MAP7: variants seen among roughly 807,000 people sequenced by gnomAD.
MAP7 encodes ensconsin.
A neutral mutation model predicts 94.8 loss-of-function variants in MAP7; 52 were observed. The observed-to-expected ratio is 0.55, with a 90% confidence interval of 0.44 to 0.69. The LOEUF (loss-of-function observed/expected upper bound fraction) is 0.69, where lower values mean the gene tolerates loss of function less well. MAP7 is among the 30% of genes least tolerant of loss of function. The probability of loss-of-function intolerance (pLI) is 0.00; values close to 1 mark genes in which losing one functional copy is unlikely to be tolerated. For missense variants in MAP7, 940 were observed against 964.6 expected (o/e 0.97, Z 0.34); for synonymous variants, 350 against 357.0 (o/e 0.98, Z 0.22).
chr6:136,453,894 C>T (rs756915986), intron 1 of MAP7, among the ~76,000 whole-genome samples: 7 of 152,186 alleles, frequency 4.6e-5, no homozygotes, highest in Non-Finnish European at 1.5e-5. Context: ...CTTACATCAA[C>T]AAATACAGAC....
chr6:136,420,582 T>C (rs2128767816), intron 2 of MAP7, among the ~76,000 whole-genome samples: 1 of 152,302 alleles, frequency 6.6e-6, no homozygotes, highest in East Asian at 1.9e-4. Flanking sequence ...AAGAACTCAG[T>C]AAACATTAGA....
Position 136,359,679 on chromosome 6 carries a change from C to T in MAP7, c.1912+141G>A, listed in dbSNP as rs754715740. 8.0e-6 allele frequency: 6 copies of T among 749,424 alleles called. No individual in the cohort carries two copies. The South Asian group carries it at 9.3e-5, about 12-fold the overall frequency. 46.4% of individuals were successfully genotyped at this position (749,424 alleles called of 1,614,324 possible). On this transcript the variant is annotated intron_variant, in intron 15 of 17. Coordinates refer to ENST00000354570, the MANE Select transcript of MAP7 (RefSeq NM_003980.6). ...TTTTACATAAGAGGAAGGAAGGACT[C>T]GATGACAGACCCCTAAGCTTCTGTG...
chr6:136,441,176 A>C (rs1472843090), intron 1 of MAP7, among the ~76,000 whole-genome samples: 1 of 152,244 alleles, frequency 6.6e-6, no homozygotes, highest in East Asian at 1.9e-4. Context: ...TCTCTTCCGC[A>C]TGCTGATTTC....
chr6:136,474,056 G>A (rs898285712), intron 1 of MAP7, among the ~76,000 whole-genome samples: 27 of 152,232 alleles, frequency 1.8e-4, no homozygotes, highest in Non-Finnish European at 1.5e-4. Flanking sequence ...GGAGGACCCA[G>A]TAATTCCAAA....
chr6:136,467,588 A>C (rs1807549263), intron 1 of MAP7, among the ~76,000 whole-genome samples: 1 of 152,206 alleles, frequency 6.6e-6, no homozygotes, highest in Non-Finnish European at 1.5e-5. Context: ...AGAGTTTATC[A>C]TTTTTTAGTC....
chr6:136,533,428 G>A (rs1435596513), intron 1 of MAP7, among the ~76,000 whole-genome samples: 1 of 152,210 alleles, frequency 6.6e-6, no homozygotes, highest in East Asian at 1.9e-4. Context: ...TTCAGTGTAT[G>A]ACTTTTTGGG....
chr6:136,524,516 T>C (rs1173793495), intron 1 of MAP7, among the ~76,000 whole-genome samples: 4 of 152,152 alleles, frequency 2.6e-5, no homozygotes, highest in African/African-American at 4.8e-5. Context: ...AAGAATCACA[T>C]TAAGTCACCC....
At chr6:136,414,938 C>T (rs754648645) in intron 2 of MAP7, among the ~76,000 whole-genome samples, 31 of 152,160 alleles carry the variant, frequency 2.0e-4, no homozygotes, top group Admixed American at 5.2e-4. Context: ...CCTCAGCCTC[C>T]CAAGTAGCTG....
At chr6:136,394,130 C>T (rs1251048904) in intron 3 of MAP7, among the ~76,000 whole-genome samples, 2 of 151,828 alleles carry the variant, frequency 1.3e-5, no homozygotes, top group Admixed American at 1.3e-4. Context: ...ACTACAGGCG[C>T]GTGCCACCAT....
chr6:136,420,127 T>G, intron 2 of MAP7: 1 of 869,612 alleles, frequency 1.1e-6, no homozygotes, highest in Non-Finnish European at 2.0e-6. Flanking sequence ...AGCACAATCT[T>G]TAATCAAAGA....
intron 7 of MAP7, among the ~76,000 whole-genome samples, chr6:136,374,582 A>G (rs935591057): frequency 6.6e-5 from 10 of 152,200 alleles, no homozygotes; most frequent in African/African-American, 2.2e-4. Flanking sequence ...TTTTTCTCTC[A>G]AGTGGAAAAT....
intron 1 of MAP7, among the ~76,000 whole-genome samples, chr6:136,542,157 G>A (rs914242031): frequency 4.6e-5 from 7 of 152,120 alleles, no homozygotes; most frequent in Non-Finnish European, 8.8e-5. Flanking sequence ...AGATACTAAA[G>A]AGAATAATAA....
At chr6:136,419,884 T>C (rs1392628912) in intron 2 of MAP7, 6 of 506,072 alleles carry the variant, frequency 1.2e-5, no homozygotes, top group African/African-American at 9.6e-5. Context: ...GTGTCAAGAC[T>C]GAGGATTATC....
chr6:136,389,213 G>C (rs1435861805), intron 4 of MAP7, 141 bp downstream of exon 4: 4 of 1,348,192 alleles, frequency 3.0e-6, no homozygotes, highest in Non-Finnish European at 3.9e-6. Context: ...GAACTCCCTA[G>C]AAACTGTAGC....
At chr6:136,390,286 A>C (rs1173597424) in intron 3 of MAP7, among the ~76,000 whole-genome samples, 2 of 152,236 alleles carry the variant, frequency 1.3e-5, no homozygotes, top group Non-Finnish European at 2.9e-5. Flanking sequence ...GCAAAAGGAA[A>C]AAATTCAAAC....
intron 16 of MAP7, among the ~76,000 whole-genome samples, chr6:136,350,652 A>C (rs1788910671): frequency 6.6e-6 from 1 of 152,196 alleles, no homozygotes; most frequent in Non-Finnish European, 1.5e-5. Flanking sequence ...CAAGAGTTTG[A>C]GACTAGCCTG....
chr6:136,416,274 T>C (rs1265943638), intron 2 of MAP7, among the ~76,000 whole-genome samples: 2 of 152,184 alleles, frequency 1.3e-5, no homozygotes, highest in Non-Finnish European at 2.9e-5. Context: ...TGGGGAAAAC[T>C]AAGAACAATC....
intron 1 of MAP7, among the ~76,000 whole-genome samples, chr6:136,425,063 G>A (rs1248765671): frequency 6.6e-6 from 1 of 152,172 alleles, no homozygotes; most frequent in Non-Finnish European, 1.5e-5. Context: ...TGGATCTACT[G>A]AGACAGCTCC....
intron 1 of MAP7, among the ~76,000 whole-genome samples, chr6:136,460,132 A>T (rs933497057): frequency 2.0e-5 from 3 of 152,050 alleles, no homozygotes; most frequent in Non-Finnish European, 2.9e-5. Flanking sequence ...TTAAAGTAAC[A>T]TGTGTAACTG....
Sources: gnomAD v4.1 joint callset for allele counts (sites outside exome capture counted in the v4.1 genomes callset) on GRCh38, gnomAD v4.1.1 for gene constraint, MANE v1.5 for transcripts, NCBI Gene and HGNC (gene_info 2026-07-23, HGNC 2026-07-21) for gene names.